Variants in CCDC152 observed in about 807,000 individuals in gnomAD.
CCDC152 encodes the protein coiled-coil domain-containing protein 152.
Under a neutral mutation model 38.1 loss-of-function variants are expected in CCDC152, and 37 were observed. The ratio of observed to expected loss-of-function variants is 0.97; its 90% CI spans 0.75 to 1.28. The LOEUF (loss-of-function observed/expected upper bound fraction) is 1.28. Ranked by LOEUF, CCDC152 falls within the 50% of genes most tolerant of loss-of-function variation. CCDC152 has a pLI of 0.00. For synonymous variants in CCDC152, 83 were observed against 87.1 expected (o/e 0.95, Z 0.26); for missense variants, 259 against 292.1 (o/e 0.89, Z 0.83).
intron 3 of CCDC152, among the ~76,000 whole-genome samples, chr5:42,767,731 GAAACATTCAGTTGCAGGGTTCTGTTCTCA>G (rs1426722990): frequency 6.6e-6 from 1 of 152,160 alleles, no homozygotes; most frequent in Non-Finnish European, 1.5e-5. Flanking sequence ...ACACATTTTT[GAAACATTCAGTTGCAGGGTTCTGTTCTCA>G]ATTTACGGAT....
chr5:42,761,535 AG>A (rs1759553889), intron 2 of CCDC152, among the ~76,000 whole-genome samples: 1 of 152,148 alleles, frequency 6.6e-6, no homozygotes, highest in South Asian at 2.1e-4. Context: ...GAACTGCTAG[AG>A]CCCAGGAGGC....
At chr5:42,775,935 T>A (rs2973008) in intron 4 of CCDC152, among the ~76,000 whole-genome samples, 105,499 of 148,470 alleles carry the variant, frequency 0.71, 37,809 homozygotes, top group East Asian at 0.86. Context: ...AAAACTAAAA[T>A]TAGAAGTATA....
chr5:42,777,849 A>G (rs1759789159), intron 4 of CCDC152, among the ~76,000 whole-genome samples: 1 of 151,870 alleles, frequency 6.6e-6, no homozygotes, highest in Non-Finnish European at 1.5e-5. Flanking sequence ...CTGATTTGTC[A>G]TTGTTTTGTT....
At chr5:42,760,148 C>G (rs966108046) in intron 2 of CCDC152, among the ~76,000 whole-genome samples, 1 of 151,796 alleles carries the variant, frequency 6.6e-6, no homozygotes, top group East Asian at 1.9e-4. Context: ...ACTTAAAATA[C>G]AAAAAATTAG....
chr5:42,775,914 A>AG (rs1161430545), intron 4 of CCDC152, among the ~76,000 whole-genome samples: 1 of 131,520 alleles, frequency 7.6e-6, no homozygotes, highest in African/African-American at 3.1e-5. Flanking sequence ...GACAATCACT[A>AG]AAAAAAAAAA....
At chr5:42,779,648 G>T (rs1453777144) in intron 5 of CCDC152, 126 bp downstream of exon 5, 2 of 529,900 alleles carry the variant, frequency 3.8e-6, no homozygotes, top group Non-Finnish European at 6.8e-6. Context: ...TGTGTGTGTG[G>T]AGATATACGT....
At chr5:42,791,239 T>C (rs991596435) in intron 6 of CCDC152, among the ~76,000 whole-genome samples, 1 of 152,218 alleles carries the variant, frequency 6.6e-6, no homozygotes, top group Non-Finnish European at 1.5e-5. Flanking sequence ...CTATTAACTA[T>C]CTCTACAACT....
intron 6 of CCDC152, among the ~76,000 whole-genome samples, chr5:42,790,380 T>G (rs1241036225): frequency 6.6e-6 from 1 of 152,210 alleles, no homozygotes; most frequent in Non-Finnish European, 1.5e-5. Context: ...GGTAAAATCT[T>G]AAAAATTATC....
intron 6 of CCDC152, among the ~76,000 whole-genome samples, chr5:42,787,640 T>C (rs1417351454): frequency 2.0e-5 from 3 of 150,494 alleles, no homozygotes; most frequent in Non-Finnish European, 4.4e-5. Context: ...CATTATATAA[T>C]AGTAGTTAGG....
chr5:42,799,336 G>T (rs1250467609), intron 7 of CCDC152, 39 bp from the exon 8 acceptor site: 1 of 1,025,302 alleles, frequency 9.8e-7, no homozygotes, highest in Admixed American at 2.5e-5. Flanking sequence ...GTTTCTAATT[G>T]TCTAGAGTTT....
At chr5:42,799,036 C>G (rs1202419953) in intron 7 of CCDC152, among the ~76,000 whole-genome samples, 1 of 152,082 alleles carries the variant, frequency 6.6e-6, no homozygotes, top group African/African-American at 2.4e-5. Context: ...ATTCTAAACC[C>G]TGTCTGCACT....
intron 6 of CCDC152, among the ~76,000 whole-genome samples, chr5:42,787,577 T>G (rs946811972): frequency 3.9e-5 from 6 of 152,168 alleles, no homozygotes; most frequent in African/African-American, 1.4e-4. Flanking sequence ...TGTTCCAGTG[T>G]TGGGCACAGT....
intron 4 of CCDC152, among the ~76,000 whole-genome samples, chr5:42,778,334 C>T (rs902437875): frequency 1.3e-5 from 2 of 152,110 alleles, no homozygotes; most frequent in Non-Finnish European, 2.9e-5. Flanking sequence ...CTCCACCCCC[C>T]AAGAGATGAC....
intron 4 of CCDC152, among the ~76,000 whole-genome samples, chr5:42,775,683 A>G (rs71627555): frequency 0.019 from 2,888 of 152,238 alleles, 55 homozygotes; most frequent in South Asian, 0.064. Context: ...CTTATTCTCA[A>G]TTGATCTAAC....
chr5:42,759,054 A>G (rs1759515776), intron 1 of CCDC152, 66 bp from the exon 2 acceptor site: 3 of 1,127,138 alleles, frequency 2.7e-6, no homozygotes, highest in African/African-American at 1.6e-5. Flanking sequence ...TTGAGCTATG[A>G]ACACTATTGT....
At chr5:42,761,214 A>G (rs1249483781) in intron 2 of CCDC152, among the ~76,000 whole-genome samples, 1 of 152,176 alleles carries the variant, frequency 6.6e-6, no homozygotes, top group Non-Finnish European at 1.5e-5. Context: ...AGAATGTTTA[A>G]CCATTACAAA....
intron 5 of CCDC152, among the ~76,000 whole-genome samples, chr5:42,781,022 G>C (rs1038197202): frequency 6.6e-6 from 1 of 152,186 alleles, no homozygotes; most frequent in Non-Finnish European, 1.5e-5. Flanking sequence ...GCTCAACCCA[G>C]ATAGAATAGT....
Position 42,801,442 on chromosome 5 carries a change from G to A in CCDC152, c.*1661G>A, listed in dbSNP as rs1760200735. 4 of 791,924 alleles carry A rather than the reference G, an allele frequency of 5.1e-6. No homozygotes were observed. Among genetic ancestry groups the A allele is most frequent in the African/African-American group, 3.5e-5 (2 of 57,660 alleles). 49.1% of individuals were successfully genotyped at this position (791,924 alleles called of 1,614,324 possible). On this transcript the variant is annotated 3_prime_UTR_variant, in exon 9 of 9. Coordinates refer to ENST00000361970, the MANE Select transcript of CCDC152 (RefSeq NM_001134848.2). ...AAATTCCAACTAGTTAATTAGAATC[G>A]AGCTGGCTTTGTATTATATTAATGA...
chr5:42,762,551 T>G lies in CCDC152; in HGVS notation c.193+3T>G. On this transcript the variant is annotated splice_donor_region_variant and intron_variant, in intron 3 of 8. Transcript: ENST00000361970. ...AAAGGAGGTCTCCATTAAAGAAGGT[T>G]AGTTATTTGCTGCCTGAGGAATGCT... The G allele has an allele frequency of 6.9e-7, 1 of 1,439,364 alleles. No individual in the cohort carries two copies. The allele number at this position is 1,439,364 out of a possible 1,614,324, so 89.2% of individuals were successfully genotyped here. A position where few individuals can be genotyped will look rare whatever the true frequency, so the allele number is the denominator to read the frequency against.
Sources: gnomAD v4.1 joint callset for allele counts (sites outside exome capture counted in the v4.1 genomes callset) on GRCh38, gnomAD v4.1.1 for gene constraint, MANE v1.5 for transcripts, NCBI Gene and HGNC (gene_info 2026-07-23, HGNC 2026-07-21) for gene names.